The following FLT1 variants were observed in gnomAD, a reference collection of about 807,000 sequenced individuals.
FLT1 encodes the protein fms related receptor tyrosine kinase 1, also known as vascular endothelial growth factor receptor 1.
A neutral mutation model predicts 156.3 loss-of-function variants in FLT1; 49 were observed. The ratio of observed to expected loss-of-function variants is 0.31; its 90% CI spans 0.25 to 0.40. The LOEUF (loss-of-function observed/expected upper bound fraction) is 0.40, where lower values mean the gene tolerates loss of function less well. FLT1 is among the 10% of genes least tolerant of loss of function. FLT1 has a pLI of 1.00. For synonymous variants in FLT1, 594 were observed against 583.8 expected (o/e 1.02, Z -0.25); for missense variants, 1,322 against 1,637.2 (o/e 0.81, Z 3.32).
chr13:28,449,536 T>A (rs527989712), intron 3 of FLT1, among the ~76,000 whole-genome samples: 1 of 152,030 alleles, frequency 6.6e-6, no homozygotes, highest in South Asian at 2.1e-4. Context: ...AATTCAAAGG[T>A]GATAAAAAAT....
rs1001969625 is a variant in FLT1, at chr13:28,429,530, A to C, written c.1106+520T>G. Among the ~76,000 whole-genome samples, 3 of 152,202 alleles carry C rather than the reference A, an allele frequency of 2.0e-5. No individual in the cohort carries two copies. The South Asian group carries it at 6.2e-4, about 31-fold the overall frequency. On this transcript the variant is annotated intron_variant, in intron 8 of 29. Coordinates refer to ENST00000282397, the MANE Select transcript of FLT1 (RefSeq NM_002019.4). Reference sequence around the variant, plus strand: ...AATATGTATCTTTCTAGCCAAAAAAAACTTAATTAGTTCAAATAGGCCCCA... The same window carrying C: ...AATATGTATCTTTCTAGCCAAAAAACACTTAATTAGTTCAAATAGGCCCCA...
intron 16 of FLT1, 67 bp downstream of exon 16, chr13:28,345,378 T>C (rs1450939497): frequency 1.1e-6 from 1 of 945,082 alleles, no homozygotes; most frequent in African/African-American, 1.6e-5. Context: ...TTGCCTACTC[T>C]AGACATCAGA....
rs149783324 is a variant in FLT1, at chr13:28,482,303, C to T, written c.64+12477G>A. Among the ~76,000 whole-genome samples the T allele has an allele frequency of 6.4e-3, 973 of 151,936 alleles. 13 individuals carry two copies. The highest frequency in any genetic ancestry group is 0.022 in the African/African-American group (919 of 41,470). On this transcript the variant is annotated intron_variant, in intron 1 of 29. Coordinates refer to ENST00000282397, the MANE Select transcript of FLT1 (RefSeq NM_002019.4). ...AAAATACAATATTAGCCCAGCGTGG[C>T]GGTGCATGCCTGTAATCCCAGCTAT...
Position 28,303,165 on chromosome 13 carries a change from C to CTCTA in FLT1, c.4015_*1dup, listed in dbSNP as rs771010579. On this transcript the variant is annotated 3_prime_UTR_variant, in exon 30 of 30. Transcript: ENST00000282397. ...TCTAGAAATAAGGCTTCGTGTCAAA[C>CTCTA]TCTAGATGGGTGGGGTGGAGTACAG... 3 of 1,608,798 alleles carry CTCTA rather than the reference C, an allele frequency of 1.9e-6. No individual in the cohort carries two copies. In the African/African-American group the frequency reaches 4.0e-5, roughly 21 times the overall value.
chr13:28,408,807 T>C (rs572325161), intron 10 of FLT1, among the ~76,000 whole-genome samples: 1 of 152,182 alleles, frequency 6.6e-6, no homozygotes, highest in Non-Finnish European at 1.5e-5. Context: ...CAAGCCTCCG[T>C]CCCTTTCCTA....
chr13:28,343,799 C>T (rs535919576), intron 16 of FLT1, among the ~76,000 whole-genome samples: 65 of 151,834 alleles, frequency 4.3e-4, no homozygotes, highest in African/African-American at 1.4e-3. Context: ...CCCTCCACCA[C>T]GCCCGGCTAA....
At chr13:28,366,143 A>C (rs1025236778) in intron 14 of FLT1, among the ~76,000 whole-genome samples, 1 of 152,178 alleles carries the variant, frequency 6.6e-6, no homozygotes, top group African/African-American at 2.4e-5. Flanking sequence ...ATGATTCTTA[A>C]ATGTTGGCAA....
At chr13:28,398,687 G>A (rs533376160) in intron 11 of FLT1, among the ~76,000 whole-genome samples, 12 of 152,196 alleles carry the variant, frequency 7.9e-5, no homozygotes, top group South Asian at 4.2e-4. Context: ...TGAAATTATT[G>A]GTAATGAAAG....
chr13:28,349,456 ACACATG>A (rs1203442494), intron 15 of FLT1, among the ~76,000 whole-genome samples: 129 of 132,370 alleles, frequency 9.7e-4, no homozygotes, highest in African/African-American at 3.1e-3. Context: ...ACACACACAC[ACACATG>A]CGCACACGCA....
At chr13:28,319,599 T>C in intron 23 of FLT1, 65 bp from the exon 24 acceptor site, 1 of 896,168 alleles carries the variant, frequency 1.1e-6, no homozygotes, top group South Asian at 1.4e-5. Flanking sequence ...AACCCGAGTG[T>C]CCATGGGGTC....
chr13:28,312,013 GCAAATCACCTAGTTTTTC>G lies in FLT1; in HGVS notation c.3454_3471del (p.Glu1152_Leu1157del). Reference sequence around the variant, plus strand: ...TTTACCTGTTGTACATTTGCTTGAAGCAAATCACCTAGTTTTTCCACAAGTTCTGCAAATCTTGGCCTT... The same window carrying G: ...TTTACCTGTTGTACATTTGCTTGAAGCACAAGTTCTGCAAATCTTGGCCTT... On this transcript the variant is annotated inframe_deletion, in exon 26 of 30. Coordinates refer to ENST00000282397, the MANE Select transcript of FLT1 (RefSeq NM_002019.4). The G allele has an allele frequency of 6.2e-7, 1 of 1,612,514 alleles. No individual in the cohort carries two copies. The highest frequency in any genetic ancestry group is 8.5e-7 in the Non-Finnish European group (1 of 1,178,998).
intron 14 of FLT1, among the ~76,000 whole-genome samples, chr13:28,362,051 T>C (rs1241392466): frequency 6.6e-6 from 1 of 152,156 alleles, no homozygotes; most frequent in Non-Finnish European, 1.5e-5. Context: ...CAAATCTGGA[T>C]GGTGGGAAAG....
At chr13:28,397,270 G>A (rs887126124) in intron 11 of FLT1, among the ~76,000 whole-genome samples, 14 of 152,208 alleles carry the variant, frequency 9.2e-5, no homozygotes, top group Non-Finnish European at 1.5e-5. Context: ...GTCCTCAGGA[G>A]ACCGGGGCCT....
chr13:28,388,755 A>G (rs1021473672), intron 13 of FLT1: 28 of 1,059,428 alleles, frequency 2.6e-5, no homozygotes, highest in Admixed American at 1.1e-4. Flanking sequence ...AATGCATTAA[A>G]TCTCTGGTTA....
At position 28,434,071 on chromosome 13, in the gene FLT1, G is replaced by A. The variant is rs1351940267; in HGVS notation, c.663C>T (p.Leu221=). ...AGCATCACTTACTTTGTCGATGTGT[G>A]AGATAGTTTGTCTTATACAAATGCC... ...VNGHLYKTNY[L]THRQTNTIID... Residue 221 remains leucine, a synonymous_variant, in exon 5 of 30, where the codon CTC becomes CTT. Coordinates refer to ENST00000282397, the MANE Select transcript of FLT1 (RefSeq NM_002019.4). 6.2e-7 allele frequency: 1 copy of A among 1,614,154 alleles called. No individual in the cohort carries two copies. The highest frequency in any genetic ancestry group is 8.5e-7 in the Non-Finnish European group (1 of 1,180,004).
chr13:28,397,096 G>A (rs1346597446), intron 11 of FLT1, 28 bp from the exon 12 acceptor site: 1 of 1,354,052 alleles, frequency 7.4e-7, no homozygotes, highest in Non-Finnish European at 1.1e-6. Context: ...ACTTTAGCTA[G>A]CAACAGGACA....
chr13:28,488,450 T>G (rs1881288447), intron 1 of FLT1, among the ~76,000 whole-genome samples: 1 of 149,704 alleles, frequency 6.7e-6, no homozygotes, highest in Admixed American at 6.8e-5. Context: ...GATCCTTTAC[T>G]AAAATCAATG....
At chr13:28,465,019 C>T (rs142926339) in intron 3 of FLT1, among the ~76,000 whole-genome samples, 2 of 152,212 alleles carry the variant, frequency 1.3e-5, no homozygotes, top group Admixed American at 6.5e-5. Context: ...CCACAGATGT[C>T]GGAAAGAACA....
chr13:28,368,600 G>A (rs1380611680), intron 14 of FLT1: 26 of 1,357,648 alleles, frequency 1.9e-5, no homozygotes, highest in African/African-American at 5.8e-5. Flanking sequence ...TGATGATGAC[G>A]ATGATGATGA....
Sources: gnomAD v4.1 joint callset for allele counts (sites outside exome capture counted in the v4.1 genomes callset) on GRCh38, gnomAD v4.1.1 for gene constraint, MANE v1.5 for transcripts, NCBI Gene and HGNC (gene_info 2026-07-23, HGNC 2026-07-21) for gene names.